SEMA5A: variants seen among roughly 807,000 people sequenced by gnomAD.
SEMA5A encodes semaphorin 5A.
SEMA5A carries 55 observed loss-of-function variants against 135.5 expected under a neutral mutation model. The observed-to-expected ratio is 0.41, with a 90% CI of 0.33 to 0.51. SEMA5A has a LOEUF of 0.51. Among genes scored for constraint, SEMA5A ranks in the 20% least tolerant of loss-of-function variants. The pLI is 0.37. For synonymous variants in SEMA5A, 580 were observed against 546.5 expected, an observed-to-expected ratio of 1.06 and a Z score of -0.85; for missense variants, 1,290 against 1,419.9, an observed-to-expected ratio of 0.91 and a Z score of 1.47.
intron 1 of SEMA5A, among the ~76,000 whole-genome samples, chr5:9,500,076 C>T (rs16882931): frequency 0.068 from 10,321 of 152,244 alleles, 449 homozygotes; most frequent in Non-Finnish European, 0.1. Context: ...CACCCTACAG[C>T]GCAACATATG....
chr5:9,205,855 G>A (rs1402707447), intron 8 of SEMA5A, among the ~76,000 whole-genome samples: 1 of 152,090 alleles, frequency 6.6e-6, no homozygotes, highest in Non-Finnish European at 1.5e-5. Flanking sequence ...CCATTAACTC[G>A]GGAAACACAG....
chr5:9,183,612 G>T (rs1024168756), intron 11 of SEMA5A, among the ~76,000 whole-genome samples: 6 of 152,162 alleles, frequency 3.9e-5, no homozygotes, highest in Non-Finnish European at 8.8e-5. Context: ...GAGAACCTGC[G>T]GTTGAACTTA....
intron 5 of SEMA5A, among the ~76,000 whole-genome samples, chr5:9,304,255 C>A (rs1478700321): frequency 1.3e-5 from 2 of 151,942 alleles, no homozygotes; most frequent in African/African-American, 2.4e-5. Flanking sequence ...TTAACACTTT[C>A]TCTTTGTTAA....
chr5:9,398,574 A>T (rs1240350503), intron 2 of SEMA5A, among the ~76,000 whole-genome samples: 4 of 152,238 alleles, frequency 2.6e-5, no homozygotes, highest in Non-Finnish European at 5.9e-5. Flanking sequence ...AGTAGAGTAG[A>T]AAAGACACCA....
chr5:9,287,530 A>T (rs1320783911), intron 5 of SEMA5A, among the ~76,000 whole-genome samples: 1 of 152,254 alleles, frequency 6.6e-6, no homozygotes, highest in Non-Finnish European at 1.5e-5. Flanking sequence ...GCAAGAATTT[A>T]TAATTTATAA....
chr5:9,098,472 C>T (rs886205268), intron 16 of SEMA5A, among the ~76,000 whole-genome samples: 10 of 152,048 alleles, frequency 6.6e-5, no homozygotes, highest in Admixed American at 6.5e-5. Flanking sequence ...AGCTCAAATC[C>T]GTCAGCAGCA....
chr5:9,283,802 G>A (rs1340009768), intron 5 of SEMA5A, among the ~76,000 whole-genome samples: 4 of 152,100 alleles, frequency 2.6e-5, no homozygotes, highest in Non-Finnish European at 5.9e-5. Context: ...CCACTGTCCT[G>A]GACATGTTCA....
intron 5 of SEMA5A, among the ~76,000 whole-genome samples, chr5:9,258,827 T>TTC (rs1420179407): frequency 6.9e-6 from 1 of 145,516 alleles, no homozygotes; most frequent in Non-Finnish European, 1.5e-5. Flanking sequence ...TTTTTTTTTT[T>TTC]TCCCTGAGAT....
At chr5:9,464,190 C>T (rs180833451) in intron 1 of SEMA5A, among the ~76,000 whole-genome samples, 102 of 152,268 alleles carry the variant, frequency 6.7e-4, no homozygotes, top group Admixed American at 1.4e-3. Flanking sequence ...AACAAAGTTG[C>T]CCCTGATTAA....
Position 9,182,159 on chromosome 5 carries a change from C to CA in SEMA5A, c.1273+8107_1273+8108insT, listed in dbSNP as rs199497771. Among the ~76,000 whole-genome samples, 282 of 141,008 alleles carry CA rather than the reference C, an allele frequency of 2.0e-3. 3 individuals carry two copies. The highest frequency in any genetic ancestry group is 7.0e-3 in the Middle Eastern group (2 of 284). 92.5% of individuals were successfully genotyped at this position (141,008 alleles called of 152,430 possible). On this transcript the variant is annotated intron_variant, in intron 11 of 22. Transcript: ENST00000382496. The stretch of plus-strand genomic sequence containing the variant: ...TGTTTTATTGCTTCTGCCCCCCACC[C>CA]CAAAAAAAAATACGCTTCCTGAGGA...
intron 15 of SEMA5A, among the ~76,000 whole-genome samples, chr5:9,112,360 T>C (rs1740288097): frequency 6.6e-6 from 1 of 152,198 alleles, no homozygotes; most frequent in South Asian, 2.1e-4. Context: ...ATGCATAAAT[T>C]ATGTTCCATT....
chr5:9,186,103 T>C (rs1043502390), intron 11 of SEMA5A, among the ~76,000 whole-genome samples: 1 of 152,206 alleles, frequency 6.6e-6, no homozygotes, highest in African/African-American at 2.4e-5. Flanking sequence ...TTCTACCATT[T>C]CCACTTGACT....
intron 3 of SEMA5A, among the ~76,000 whole-genome samples, chr5:9,365,408 T>C (rs1447685916): frequency 6.6e-6 from 1 of 152,180 alleles, no homozygotes; most frequent in African/African-American, 2.4e-5. Flanking sequence ...GGAGCCCCAA[T>C]GGGGCTCGGC....
intron 8 of SEMA5A, among the ~76,000 whole-genome samples, chr5:9,223,643 G>A (rs2150414150): frequency 1.3e-5 from 2 of 152,326 alleles, no homozygotes; most frequent in Middle Eastern, 6.8e-3. Flanking sequence ...TAGCTGATAT[G>A]TAGCAAAAGT....
In SEMA5A at chr5:9,429,055, T is replaced by C. The variant is rs182715544; in HGVS notation, c.-78+8701A>G. Reference sequence around the variant, plus strand: ...CATTGCAGGGATGTGCACAGGAGTGTGGGGACACAGAGGGGGTGTGACTTA... The same window carrying C: ...CATTGCAGGGATGTGCACAGGAGTGCGGGGACACAGAGGGGGTGTGACTTA... On this transcript the variant is annotated intron_variant, in intron 2 of 22. Coordinates refer to ENST00000382496, the MANE Select transcript of SEMA5A (RefSeq NM_003966.3). Among the ~76,000 whole-genome samples, 211 of 152,252 alleles carry C rather than the reference T, an allele frequency of 1.4e-3. 2 individuals carry two copies. The highest frequency in any genetic ancestry group is 4.7e-3 in the African/African-American group (197 of 41,544).
At chr5:9,210,970 C>T (rs1196315819) in intron 8 of SEMA5A, among the ~76,000 whole-genome samples, 1 of 152,144 alleles carries the variant, frequency 6.6e-6, no homozygotes, top group Non-Finnish European at 1.5e-5. Flanking sequence ...TCCTGACCCT[C>T]AAAGATAATA....
At chr5:9,345,928 A>G (rs911729141) in intron 3 of SEMA5A, among the ~76,000 whole-genome samples, 2 of 152,180 alleles carry the variant, frequency 1.3e-5, no homozygotes, top group Non-Finnish European at 2.9e-5. Context: ...CATATACATG[A>G]TAGGGAGAGA....
At chr5:9,391,285 G>A (rs1222849325) in intron 2 of SEMA5A, among the ~76,000 whole-genome samples, 2 of 152,190 alleles carry the variant, frequency 1.3e-5, no homozygotes, top group Non-Finnish European at 2.9e-5. Context: ...GGCTTTGTCC[G>A]TGTCATGTGC....
chr5:9,106,136 T>A (rs1739901842), intron 16 of SEMA5A, among the ~76,000 whole-genome samples: 1 of 152,064 alleles, frequency 6.6e-6, no homozygotes, highest in South Asian at 2.1e-4. Context: ...TTCCTAGAAG[T>A]AGACTACCAA....
Sources: gnomAD v4.1 joint callset for allele counts (sites outside exome capture counted in the v4.1 genomes callset) on GRCh38, gnomAD v4.1.1 for gene constraint, MANE v1.5 for transcripts, NCBI Gene and HGNC (gene_info 2026-07-23, HGNC 2026-07-21) for gene names.